MAGI2: variants seen among roughly 807,000 people sequenced by gnomAD.
MAGI2 encodes the protein membrane associated guanylate kinase, WW and PDZ domain containing 2.
In MAGI2, 35 loss-of-function variants were observed where a neutral mutation model predicts 133.3. The observed-to-expected ratio is 0.26, with a 90% CI of 0.20 to 0.35. The LOEUF (loss-of-function observed/expected upper bound fraction) is 0.35, where lower values mean the gene tolerates loss of function less well. Among genes scored for constraint, MAGI2 ranks in the 10% least tolerant of loss-of-function variants. The probability of loss-of-function intolerance (pLI) is 1.00; values close to 1 mark genes in which losing one functional copy is unlikely to be tolerated. For missense variants in MAGI2, 1,636 were observed against 1,863.4 expected, an observed-to-expected ratio of 0.88 and a Z score of 2.25; for synonymous variants, 729 against 710.6, an observed-to-expected ratio of 1.03 and a Z score of -0.41.
chr7:78,128,258 A>G (rs1821195059), intron 18 of MAGI2, among the ~76,000 whole-genome samples: 2 of 152,204 alleles, frequency 1.3e-5, no homozygotes, highest in South Asian at 4.1e-4. Flanking sequence ...TGAGGGGGTT[A>G]CTAGTTTCAA....
At chr7:78,076,852 C>CACAAAAA (rs1491547468) in intron 21 of MAGI2, among the ~76,000 whole-genome samples, 2 of 42,546 alleles carry the variant, frequency 4.7e-5, no homozygotes, top group African/African-American at 9.5e-5. Flanking sequence ...GACTCCGTCT[C>CACAAAAA]AAAAAAAAAA....
At chr7:78,347,618 TCTTAATCACCACCATTA>T (rs150645917) in intron 7 of MAGI2, among the ~76,000 whole-genome samples, 5,889 of 152,244 alleles carry the variant, frequency 0.039, 166 homozygotes, top group Middle Eastern at 0.068. Flanking sequence ...TGTATCATCA[TCTTAATCACCACCATTA>T]CTGTCATCAT....
chr7:78,988,193 T>C (rs992982254), intron 2 of MAGI2, among the ~76,000 whole-genome samples: 1 of 152,054 alleles, frequency 6.6e-6, no homozygotes, highest in Non-Finnish European at 1.5e-5. Context: ...CAGCCTTATT[T>C]ACATCCATGT....
At chr7:79,378,249 AAC>A (rs113548237) in intron 1 of MAGI2, among the ~76,000 whole-genome samples, 21,065 of 151,870 alleles carry the variant, frequency 0.14, 1,568 homozygotes, top group South Asian at 0.25. Context: ...TTTTGAAATT[AAC>A]ACAAGTTTCA....
At chr7:78,358,493 G>T in intron 7 of MAGI2, 1 of 155,394 alleles carries the variant, frequency 6.4e-6, no homozygotes, top group South Asian at 1.8e-4. Flanking sequence ...CCCTTCCCAA[G>T]GCCCACCCGC....
chr7:78,596,184 G>GAGGGAGGGAAGGAATGA (rs764648185), intron 3 of MAGI2, among the ~76,000 whole-genome samples: 60,201 of 120,036 alleles, frequency 0.5, 16,496 homozygotes, highest in Non-Finnish European at 0.59. Context: ...TGAAGGAAGG[G>GAGGGAGGGAAGGAATGA]AGGGAGGGAG....
intron 1 of MAGI2, among the ~76,000 whole-genome samples, chr7:79,377,674 A>T (rs1260771040): frequency 6.6e-6 from 1 of 151,844 alleles, no homozygotes; most frequent in Admixed American, 6.6e-5. Flanking sequence ...CCAATGTAAC[A>T]GCAACATCAA....
intron 1 of MAGI2, among the ~76,000 whole-genome samples, chr7:79,129,509 A>G (rs1820723525): frequency 6.6e-6 from 1 of 152,196 alleles, no homozygotes; most frequent in Non-Finnish European, 1.5e-5. Context: ...TTTATTCTCC[A>G]TCTCTATTCA....
chr7:79,211,181 G>A (rs995578308), intron 1 of MAGI2, among the ~76,000 whole-genome samples: 25 of 152,062 alleles, frequency 1.6e-4, no homozygotes, highest in Non-Finnish European at 2.1e-4. Flanking sequence ...TAACAGGCAT[G>A]TGTGAATATA....
chr7:78,862,919 G>C (rs1794265875), intron 2 of MAGI2, among the ~76,000 whole-genome samples: 1 of 152,182 alleles, frequency 6.6e-6, no homozygotes, highest in Admixed American at 6.5e-5. Flanking sequence ...GGCAAAGTTA[G>C]ACAAGACATT....
At chr7:79,090,073 G>T in intron 1 of MAGI2, among the ~76,000 whole-genome samples, 1 of 151,750 alleles carries the variant, frequency 6.6e-6, no homozygotes, top group East Asian at 1.9e-4. Context: ...AGAATCAATT[G>T]CATTTTCCCC....
intron 2 of MAGI2, among the ~76,000 whole-genome samples, chr7:78,978,413 C>G (rs1324142555): frequency 6.6e-6 from 1 of 151,806 alleles, no homozygotes; most frequent in African/African-American, 2.4e-5. Context: ...GAAAGTTGGT[C>G]AGAAAGCTAT....
chr7:78,344,446 T>C (rs571250191), intron 8 of MAGI2, among the ~76,000 whole-genome samples: 1,853 of 152,292 alleles, frequency 0.012, 49 homozygotes, highest in African/African-American at 0.043. Context: ...TTGTGATTTT[T>C]TTTTTAAGTG....
At chr7:78,284,172 G>T (rs2151020650) in intron 9 of MAGI2, among the ~76,000 whole-genome samples, 1 of 152,222 alleles carries the variant, frequency 6.6e-6, no homozygotes, top group African/African-American at 2.4e-5. Context: ...CAAAGCAGGA[G>T]ACTTAGACAT....
At chr7:79,299,404 G>C (rs958323011) in intron 1 of MAGI2, among the ~76,000 whole-genome samples, 3 of 151,622 alleles carry the variant, frequency 2.0e-5, no homozygotes, top group African/African-American at 7.3e-5. Flanking sequence ...TGTAAGTTGG[G>C]AGTAGATTTT....
intron 2 of MAGI2, among the ~76,000 whole-genome samples, chr7:78,965,071 T>C (rs1005608435): frequency 3.3e-5 from 5 of 151,620 alleles, no homozygotes; most frequent in Admixed American, 6.6e-5. Flanking sequence ...TTAGGTGTCA[T>C]TGAAATTAAT....
At chr7:78,149,446 C>T (rs1347675913) in intron 16 of MAGI2, among the ~76,000 whole-genome samples, 5 of 152,080 alleles carry the variant, frequency 3.3e-5, no homozygotes, top group Non-Finnish European at 7.4e-5. Flanking sequence ...TCATACACAT[C>T]GATTAAAGCT....
chr7:78,573,076 TACAC>T (rs1217454892), intron 3 of MAGI2, among the ~76,000 whole-genome samples: 3 of 52,576 alleles, frequency 5.7e-5, no homozygotes, highest in East Asian at 2.1e-3. Flanking sequence ...TATATATATA[TACAC>T]ACACACACAC....
intron 1 of MAGI2, among the ~76,000 whole-genome samples, chr7:79,018,672 C>A (rs917559393): frequency 6.6e-6 from 1 of 152,064 alleles, no homozygotes; most frequent in Non-Finnish European, 1.5e-5. Flanking sequence ...GAAGTGGCAG[C>A]CATAGGCTCA....
Sources: gnomAD v4.1 joint callset for allele counts (sites outside exome capture counted in the v4.1 genomes callset) on GRCh38, gnomAD v4.1.1 for gene constraint, MANE v1.5 for transcripts, NCBI Gene and HGNC (gene_info 2026-07-23, HGNC 2026-07-21) for gene names.